PDE1C: variants seen among roughly 807,000 people sequenced by gnomAD.
The protein encoded by PDE1C is dual specificity calcium/calmodulin-dependent 3',5'-cyclic nucleotide phosphodiesterase 1C.
PDE1C carries 62 observed loss-of-function variants against 93.1 expected under a neutral mutation model. That is an observed-to-expected ratio of 0.67 (90% CI 0.54 to 0.82). PDE1C has a LOEUF of 0.82. Ranked by LOEUF, PDE1C falls within the 40% of genes least tolerant of loss-of-function variation. The pLI is 0.00. For missense variants in PDE1C, 742 were observed against 884.6 expected, an observed-to-expected ratio of 0.84 and a Z score of 2.04; for synonymous variants, 325 against 310.1, an observed-to-expected ratio of 1.05 and a Z score of -0.50.
At chr7:32,117,845 GT>G (rs1325423400) in intron 3 of PDE1C, among the ~76,000 whole-genome samples, 1 of 152,206 alleles carries the variant, frequency 6.6e-6, no homozygotes, top group Non-Finnish European at 1.5e-5. Context: ...TAATTTAAAG[GT>G]TGGGGGAAGG....
the PDE1C span, among the ~76,000 whole-genome samples, chr7:31,679,658 C>A: frequency 6.6e-6 from 1 of 152,128 alleles, no homozygotes; most frequent in African/African-American, 2.4e-5. Flanking sequence ...TTCTATGTGC[C>A]CTTTGGGAAA....
chr7:31,790,831 C>T (rs1006761372), intron 16 of PDE1C, among the ~76,000 whole-genome samples: 5 of 152,058 alleles, frequency 3.3e-5, no homozygotes, highest in Non-Finnish European at 5.9e-5. Flanking sequence ...GGAAAAAGGA[C>T]TAGGTTAATG....
intron 3 of PDE1C, among the ~76,000 whole-genome samples, chr7:32,146,114 G>A (rs1263307215): frequency 6.6e-6 from 1 of 152,086 alleles, no homozygotes; most frequent in Admixed American, 6.6e-5. Context: ...TCAGTTTCAA[G>A]GACTTCCCAG....
chr7:32,060,251 T>C (rs1353363832), intron 1 of PDE1C, among the ~76,000 whole-genome samples: 1 of 152,148 alleles, frequency 6.6e-6, no homozygotes, highest in Admixed American at 6.6e-5. Context: ...TCAATGTCAG[T>C]CTAATTTTTC....
chr7:32,328,112 T>C (rs781752871), intron 1 of PDE1C, among the ~76,000 whole-genome samples: 14 of 152,240 alleles, frequency 9.2e-5, no homozygotes, highest in African/African-American at 3.4e-4. Flanking sequence ...TTATCTTTAG[T>C]AGATCCTACC....
At chr7:32,068,845 C>T (rs1222890310) in intron 1 of PDE1C, among the ~76,000 whole-genome samples, 1 of 152,158 alleles carries the variant, frequency 6.6e-6, no homozygotes, top group Admixed American at 6.5e-5. Flanking sequence ...AACGCTTTCA[C>T]ATTATACACT....
intron 2 of PDE1C, among the ~76,000 whole-genome samples, chr7:32,170,264 T>C (rs1270544720): frequency 1.3e-5 from 2 of 151,932 alleles, no homozygotes; most frequent in African/African-American, 4.8e-5. Context: ...CAGTTGGAAA[T>C]ATATAAAGCA....
chr7:31,693,743 C>T, the PDE1C span, among the ~76,000 whole-genome samples: 1 of 152,216 alleles, frequency 6.6e-6, no homozygotes, highest in Non-Finnish European at 1.5e-5. Context: ...TAATCCTCAA[C>T]ATTTTAAGGA....
At chr7:32,187,277 T>C (rs1584927528) in intron 2 of PDE1C, among the ~76,000 whole-genome samples, 2 of 152,200 alleles carry the variant, frequency 1.3e-5, no homozygotes, top group South Asian at 2.1e-4. Flanking sequence ...TACAGGTGTA[T>C]GCAGCCATGC....
At chr7:32,089,032 T>C (rs1327644657) in intron 3 of PDE1C, among the ~76,000 whole-genome samples, 1 of 152,152 alleles carries the variant, frequency 6.6e-6, no homozygotes, top group Non-Finnish European at 1.5e-5. Context: ...AATTGAACAG[T>C]TGCCAAAATA....
At chr7:32,377,471 A>T (rs1421929752) in intron 1 of PDE1C, among the ~76,000 whole-genome samples, 1 of 152,120 alleles carries the variant, frequency 6.6e-6, no homozygotes, top group East Asian at 1.9e-4. Context: ...TGGTATCTCA[A>T]TTGGGAAGAA....
At chr7:32,297,964 T>C (rs1392821419) in intron 1 of PDE1C, among the ~76,000 whole-genome samples, 3 of 25,148 alleles carry the variant, frequency 1.2e-4, no homozygotes, top group South Asian at 2.4e-3. Flanking sequence ...AATCTCTCTC[T>C]CTCTCTCTCT....
At chr7:31,881,270 A>G (rs1189277029) in intron 2 of PDE1C, among the ~76,000 whole-genome samples, 2 of 152,220 alleles carry the variant, frequency 1.3e-5, no homozygotes, top group African/African-American at 4.8e-5. Context: ...AGATAATGGC[A>G]GCCCCATGAC....
At chr7:32,053,603 C>G (rs975614064) in intron 1 of PDE1C, among the ~76,000 whole-genome samples, 2 of 152,132 alleles carry the variant, frequency 1.3e-5, no homozygotes, top group Non-Finnish European at 2.9e-5. Context: ...CTCAGAAGCC[C>G]AACTAATCCT....
At chr7:31,689,656 G>T in the PDE1C span, among the ~76,000 whole-genome samples, 1 of 152,158 alleles carries the variant, frequency 6.6e-6, no homozygotes, top group African/African-American at 2.4e-5. Context: ...GTTGAGAGAT[G>T]GGGTCATTAT....
rs569184619 is a variant in PDE1C, at chr7:32,224,098, C to T, written c.86-14559G>A. ...TGTAAAGATGGCAGGCTTGGCCGGG[C>T]ACAGTGGCTCACACCTGTAATCCTA... On this transcript the variant is annotated intron_variant, in intron 1 of 18. Transcript: ENST00000396193. Among the ~76,000 whole-genome samples the T allele has an allele frequency of 3.9e-5, 6 of 152,314 alleles. No homozygotes were observed. The South Asian group carries it at 8.3e-4, about 21-fold the overall frequency.
At chr7:31,946,045 G>T (rs1261991698) in intron 2 of PDE1C, among the ~76,000 whole-genome samples, 1 of 151,890 alleles carries the variant, frequency 6.6e-6, no homozygotes, top group Non-Finnish European at 1.5e-5. Flanking sequence ...CCATCTCTCT[G>T]CTTACATTGC....
At chr7:31,644,239 C>T in the PDE1C span, among the ~76,000 whole-genome samples, 2 of 152,150 alleles carry the variant, frequency 1.3e-5, no homozygotes, top group African/African-American at 2.4e-5. Context: ...ATTCATATGT[C>T]TAAGGTTATA....
chr7:32,132,841 T>C (rs575254534), intron 3 of PDE1C, among the ~76,000 whole-genome samples: 1 of 152,120 alleles, frequency 6.6e-6, no homozygotes, highest in African/African-American at 2.4e-5. Flanking sequence ...TGAAGATATA[T>C]TTTAGAAGTA....
Sources: gnomAD v4.1 joint callset for allele counts (sites outside exome capture counted in the v4.1 genomes callset) on GRCh38, gnomAD v4.1.1 for gene constraint, MANE v1.5 for transcripts, NCBI Gene and HGNC (gene_info 2026-07-23, HGNC 2026-07-21) for gene names.